The following MIPOL1 variants were observed in gnomAD, a reference collection of about 807,000 sequenced individuals.
MIPOL1 encodes mirror-image polydactyly 1, also known as mirror-image polydactyly gene 1 protein.
MIPOL1 carries 57 observed loss-of-function variants against 60.9 expected under a neutral mutation model. The ratio of observed to expected loss-of-function variants is 0.94; its 90% CI spans 0.76 to 1.17. The LOEUF (loss-of-function observed/expected upper bound fraction) is 1.17. Ranked by LOEUF, MIPOL1 falls within the 50% of genes most tolerant of loss-of-function variation. The probability of loss-of-function intolerance (pLI) is 0.00; values close to 1 mark genes in which losing one functional copy is unlikely to be tolerated. For missense variants in MIPOL1, 551 were observed against 511.6 expected, an observed-to-expected ratio of 1.08 and a Z score of -0.74; for synonymous variants, 179 against 168.8, an observed-to-expected ratio of 1.06 and a Z score of -0.47.
chr14:37,454,984 C>T (rs1038955323), intron 11 of MIPOL1, among the ~76,000 whole-genome samples: 3 of 152,078 alleles, frequency 2.0e-5, no homozygotes, highest in Non-Finnish European at 4.4e-5. Flanking sequence ...CTTGAACTGC[C>T]TCTACATACT....
chr14:37,265,037 A>G (rs1406462040), intron 3 of MIPOL1, among the ~76,000 whole-genome samples: 1 of 152,090 alleles, frequency 6.6e-6, no homozygotes, highest in Admixed American at 6.6e-5. Context: ...TGTCCTTAAT[A>G]CTGATTTTAG....
chr14:37,544,029 T>C (rs2095538909), intron 12 of MIPOL1, among the ~76,000 whole-genome samples: 1 of 152,160 alleles, frequency 6.6e-6, no homozygotes, highest in Non-Finnish European at 1.5e-5. Flanking sequence ...ATATACTGAG[T>C]ATCATAGGCC....
intron 9 of MIPOL1, among the ~76,000 whole-genome samples, chr14:37,317,848 T>A (rs2088094814): frequency 1.3e-5 from 2 of 152,178 alleles, no homozygotes; most frequent in Non-Finnish European, 2.9e-5. Context: ...ACATATTTTA[T>A]CACACAGTCA....
chr14:37,538,508 G>C (rs1177503346), intron 12 of MIPOL1, among the ~76,000 whole-genome samples: 2 of 152,004 alleles, frequency 1.3e-5, no homozygotes, highest in Non-Finnish European at 2.9e-5. Flanking sequence ...TGAATTGCTG[G>C]GGAAAATGAG....
intron 9 of MIPOL1, among the ~76,000 whole-genome samples, chr14:37,319,812 A>T (rs1404142569): frequency 6.6e-6 from 1 of 152,040 alleles, no homozygotes; most frequent in Non-Finnish European, 1.5e-5. Flanking sequence ...CCCAGTCGGA[A>T]TTTCTCACCA....
chr14:37,306,715 A>G (rs2086811999), intron 7 of MIPOL1, among the ~76,000 whole-genome samples: 1 of 151,844 alleles, frequency 6.6e-6, no homozygotes, highest in South Asian at 2.1e-4. Flanking sequence ...GAATTTTATT[A>G]TCTTATACTT....
At chr14:37,238,543 T>G (rs1043964112) in intron 1 of MIPOL1, among the ~76,000 whole-genome samples, 1 of 152,206 alleles carries the variant, frequency 6.6e-6, no homozygotes, top group African/African-American at 2.4e-5. Context: ...GAAGATTTTC[T>G]TAACTAATTA....
chr14:37,436,049 A>G (rs1002272886), intron 11 of MIPOL1, among the ~76,000 whole-genome samples: 1 of 152,210 alleles, frequency 6.6e-6, no homozygotes. Flanking sequence ...AAATATACAT[A>G]TAAATGATAT....
chr14:37,303,200 A>G (rs2086470912), intron 7 of MIPOL1, among the ~76,000 whole-genome samples: 1 of 151,966 alleles, frequency 6.6e-6, no homozygotes, highest in African/African-American at 2.4e-5. Context: ...CATGTTTTAT[A>G]GATGAAAGAA....
chr14:37,253,525 A>G (rs1974436857), intron 3 of MIPOL1, among the ~76,000 whole-genome samples: 1 of 151,826 alleles, frequency 6.6e-6, no homozygotes, highest in Non-Finnish European at 1.5e-5. Context: ...AAATAAATAC[A>G]TAAAATAAAA....
intron 12 of MIPOL1, among the ~76,000 whole-genome samples, chr14:37,543,257 T>G (rs2095536386): frequency 6.6e-6 from 1 of 152,118 alleles, no homozygotes; most frequent in Non-Finnish European, 1.5e-5. Context: ...TGGGATTATT[T>G]TTTATTTTTA....
intron 9 of MIPOL1, among the ~76,000 whole-genome samples, chr14:37,321,025 G>A (rs1000124146): frequency 6.6e-6 from 1 of 151,970 alleles, no homozygotes. Flanking sequence ...ATTTGTGATA[G>A]TGTAAGGATC....
intron 11 of MIPOL1, among the ~76,000 whole-genome samples, chr14:37,442,883 T>C (rs905988192): frequency 3.3e-5 from 5 of 152,078 alleles, no homozygotes; most frequent in Non-Finnish European, 7.4e-5. Flanking sequence ...TCAGAAGACT[T>C]TATTTATACT....
At chr14:37,330,183 C>A (rs954144516) in intron 9 of MIPOL1, among the ~76,000 whole-genome samples, 1 of 151,984 alleles carries the variant, frequency 6.6e-6, no homozygotes, top group Non-Finnish European at 1.5e-5. Flanking sequence ...TAATTACATT[C>A]TGATTATTCA....
chr14:37,299,141 T>C (rs968989324), intron 7 of MIPOL1, among the ~76,000 whole-genome samples: 1 of 152,152 alleles, frequency 6.6e-6, no homozygotes, highest in African/African-American at 2.4e-5. Context: ...GTTCATGTCC[T>C]TTGTAGGGAC....
chr14:37,434,939 A>G (rs1173436494), intron 11 of MIPOL1, among the ~76,000 whole-genome samples: 1 of 151,956 alleles, frequency 6.6e-6, no homozygotes, highest in African/African-American at 2.4e-5. Flanking sequence ...AGCCAAGTTG[A>G]CACATAAAAT....
At chr14:37,445,342 A>G (rs2094316657) in intron 11 of MIPOL1, among the ~76,000 whole-genome samples, 1 of 152,226 alleles carries the variant, frequency 6.6e-6, no homozygotes, top group Non-Finnish European at 1.5e-5. Flanking sequence ...AGAGAATAAA[A>G]TACCTAAGAA....
At chr14:37,412,982 G>A (rs1222159529) in intron 10 of MIPOL1, among the ~76,000 whole-genome samples, 1 of 152,108 alleles carries the variant, frequency 6.6e-6, no homozygotes, top group Non-Finnish European at 1.5e-5. Context: ...GGTGTTCTAG[G>A]TGGAGGGAAT....
intron 11 of MIPOL1, among the ~76,000 whole-genome samples, chr14:37,430,520 A>T (rs1249642257): frequency 6.8e-6 from 1 of 146,778 alleles, no homozygotes; most frequent in African/African-American, 2.5e-5. Flanking sequence ...TTTAAAAAAA[A>T]GTATACATTT....
Sources: allele counts gnomAD v4.1 joint callset (sites outside exome capture counted in the v4.1 genomes callset), GRCh38; gene constraint gnomAD v4.1.1; transcripts MANE v1.5; gene names NCBI Gene and HGNC (gene_info 2026-07-23, HGNC 2026-07-21).